The following TAF3 variants were observed in gnomAD, a reference collection of about 807,000 sequenced individuals.
TAF3 encodes the protein TATA-box binding protein associated factor 3.
Under a neutral mutation model 80.6 loss-of-function variants are expected in TAF3, and 7 were observed. The ratio of observed to expected loss-of-function variants is 0.09; its 90% CI spans 0.05 to 0.16. The LOEUF (loss-of-function observed/expected upper bound fraction) is 0.16, where lower values mean the gene tolerates loss of function less well. Among genes scored for constraint, TAF3 ranks in the 10% least tolerant of loss-of-function variants. The pLI, the probability that TAF3 is intolerant of heterozygous loss-of-function variation, is 1.00. For missense variants in TAF3, 921 were observed against 1,140.2 expected (o/e 0.81, Z 2.77); for synonymous variants, 444 against 446.1 (o/e 1.00, Z 0.06).
At chr10:7,950,264 G>A (rs928877432) in intron 2 of TAF3, among the ~76,000 whole-genome samples, 1 of 152,184 alleles carries the variant, frequency 6.6e-6, no homozygotes, top group African/African-American at 2.4e-5. Context: ...TAAAGGGAGA[G>A]AGATAGAGAA....
At chr10:7,972,609 A>C (rs899061982) in intron 3 of TAF3, among the ~76,000 whole-genome samples, 4 of 152,186 alleles carry the variant, frequency 2.6e-5, no homozygotes, top group Non-Finnish European at 4.4e-5. Flanking sequence ...AGTTGACTGA[A>C]TACCTGTTGC....
rs527356726 is a variant in TAF3, at chr10:7,871,435, C to CTTTTTTTTTTT, written c.409+46890_409+46900dup. Among the ~76,000 whole-genome samples the CTTTTTTTTTTT allele has an allele frequency of 1.9e-3, 131 of 69,104 alleles. 7 individuals are homozygous for CTTTTTTTTTTT. The highest frequency in any genetic ancestry group is 0.013 in the Middle Eastern group (1 of 78). 45.3% of individuals were successfully genotyped at this position (69,104 alleles called of 152,430 possible). On this transcript the variant is annotated intron_variant, in intron 2 of 6. Coordinates refer to ENST00000344293, the MANE Select transcript of TAF3 (RefSeq NM_031923.4). ...CTAAATTGATGACAAATAACTGCTGCTTTTTTTTTTTTTTTTTTTTTTTTT... is the reference window on the plus strand; with the variant it reads ...CTAAATTGATGACAAATAACTGCTGCTTTTTTTTTTTTTTTTTTTTTTTTTTTTTTTTTTTT...
chr10:7,821,217 G>A (rs1401673107), intron 1 of TAF3, among the ~76,000 whole-genome samples: 1 of 12,920 alleles, frequency 7.7e-5, no homozygotes, highest in East Asian at 4.3e-3. Context: ...CACGTAATTT[G>A]GTGACTTTTT....
intron 4 of TAF3, among the ~76,000 whole-genome samples, chr10:7,998,906 G>T (rs1387130259): frequency 6.6e-6 from 1 of 152,116 alleles, no homozygotes; most frequent in East Asian, 1.9e-4. Context: ...AAAGAGTCAG[G>T]TAAGGCAAAT....
chr10:7,838,729 C>T (rs1836878006), intron 2 of TAF3, among the ~76,000 whole-genome samples: 1 of 152,002 alleles, frequency 6.6e-6, no homozygotes, highest in Non-Finnish European at 1.5e-5. Flanking sequence ...TACCTTCTGG[C>T]CCCCTAACAT....
chr10:7,950,974 A>C (rs926761687), intron 2 of TAF3, among the ~76,000 whole-genome samples: 9 of 152,276 alleles, frequency 5.9e-5, no homozygotes, highest in Non-Finnish European at 1.3e-4. Flanking sequence ...CATGAGTTAC[A>C]GTGCTGTGCA....
At chr10:7,853,037 C>A (rs1837044179) in intron 2 of TAF3, among the ~76,000 whole-genome samples, 1 of 151,974 alleles carries the variant, frequency 6.6e-6, no homozygotes, top group East Asian at 1.9e-4. Context: ...TCAAATTGTC[C>A]CATCTTTGGC....
intron 2 of TAF3, among the ~76,000 whole-genome samples, chr10:7,885,927 C>G (rs1241398299): frequency 6.6e-6 from 1 of 151,908 alleles, no homozygotes; most frequent in Non-Finnish European, 1.5e-5. Flanking sequence ...TCTGTTGATA[C>G]TTTTTTTTAA....
chr10:8,009,126 G>A lies in TAF3; in HGVS notation c.2364G>A (p.Ser788=), dbSNP rs750139180. ...CCCCCGAGGCCAAGCCGGCGCCCTC[G>A]CAGAACAGGCCGAAGACCCCACCGC... The part of the protein sequence containing the change: ...VPAPEAKPAP[S]QNRPKTPPPA... The change falls in exon 5 of 7, where the codon TCG becomes TCA. Residue 788 remains serine, a synonymous_variant. Coordinates refer to ENST00000344293, the MANE Select transcript of TAF3 (RefSeq NM_031923.4). The surrounding 1 kb of genome is among the most constrained non-coding windows in gnomAD (Gnocchi z 4.1). The A allele has an allele frequency of 2.5e-6, 4 of 1,598,386 alleles. No individual in the cohort carries two copies. The highest frequency in any genetic ancestry group is 2.7e-5 in the African/African-American group (2 of 74,372).
intron 2 of TAF3, among the ~76,000 whole-genome samples, chr10:7,847,987 C>T (rs1836988895): frequency 6.6e-6 from 1 of 150,440 alleles, no homozygotes; most frequent in Admixed American, 6.6e-5. Flanking sequence ...CCAGGCTGAT[C>T]GCAAACTCCT....
chr10:7,981,440 C>T (rs1831724681), intron 4 of TAF3, among the ~76,000 whole-genome samples: 1 of 152,176 alleles, frequency 6.6e-6, no homozygotes, highest in African/African-American at 2.4e-5. Context: ...CATGTTTTCT[C>T]TAATAAATAT....
chr10:7,933,606 G>C (rs1837889197), intron 2 of TAF3, among the ~76,000 whole-genome samples: 1 of 152,184 alleles, frequency 6.6e-6, no homozygotes, highest in African/African-American at 2.4e-5. Flanking sequence ...AAGTAGGACA[G>C]TATTCACAGT....
At chr10:7,900,720 GT>G (rs1837550033) in intron 2 of TAF3, among the ~76,000 whole-genome samples, 1 of 152,186 alleles carries the variant, frequency 6.6e-6, no homozygotes, top group African/African-American at 2.4e-5. Context: ...AGTTTCCCCA[GT>G]TTGGGGGGAG....
At chr10:7,849,178 CT>C (rs200672495) in intron 2 of TAF3, among the ~76,000 whole-genome samples, 5 of 151,564 alleles carry the variant, frequency 3.3e-5, no homozygotes, top group African/African-American at 7.3e-5. Context: ...CTAGTATTAT[CT>C]TTTTTTTTCT....
chr10:7,828,247 A>C (rs991564933), intron 2 of TAF3, among the ~76,000 whole-genome samples: 4 of 152,134 alleles, frequency 2.6e-5, no homozygotes, highest in African/African-American at 9.7e-5. Flanking sequence ...CTGTCTCTGA[A>C]AAAAAGAGAC....
Position 7,968,330 on chromosome 10 carries a change from A to G in TAF3, c.2232+2588A>G, listed in dbSNP as rs193298876. Among the ~76,000 whole-genome samples, 11 of 152,324 alleles carry G rather than the reference A, an allele frequency of 7.2e-5. No homozygotes were observed. In the East Asian group the frequency reaches 1.5e-3, roughly 21 times the overall value. On this transcript the variant is annotated intron_variant, in intron 3 of 6. Coordinates refer to ENST00000344293, the MANE Select transcript of TAF3 (RefSeq NM_031923.4). ...CTGACCCAGATCGGCAAGCAAGAGC[A>G]TTTGTTTAAATTTTTCAATCTCCAC...
chr10:7,879,588 T>G (rs1356230903), intron 2 of TAF3, among the ~76,000 whole-genome samples: 1 of 152,184 alleles, frequency 6.6e-6, no homozygotes, highest in Non-Finnish European at 1.5e-5. Flanking sequence ...AAATACAAAG[T>G]GTAAACACCG....
At chr10:7,894,092 CT>C (rs1201227019) in intron 2 of TAF3, among the ~76,000 whole-genome samples, 1 of 152,064 alleles carries the variant, frequency 6.6e-6, no homozygotes, top group East Asian at 1.9e-4. Context: ...TTCTTTTCGC[CT>C]TTTATATTGT....
At chr10:7,937,913 A>G (rs1034642046) in intron 2 of TAF3, among the ~76,000 whole-genome samples, 1 of 152,190 alleles carries the variant, frequency 6.6e-6, no homozygotes, top group African/African-American at 2.4e-5. Context: ...TTTGGAAGGA[A>G]CAGAACCCGC....
Sources: gnomAD v4.1 joint callset for allele counts (sites outside exome capture counted in the v4.1 genomes callset) on GRCh38, gnomAD v4.1.1 for gene constraint, Gnocchi (gnomAD v3.1) non-coding constraint, MANE v1.5 for transcripts, NCBI Gene and HGNC (gene_info 2026-07-23, HGNC 2026-07-21) for gene names.